The following CSMD1 variants were observed in gnomAD, a reference collection of about 807,000 sequenced individuals.
CSMD1 encodes CUB and Sushi multiple domains 1, also known as CUB and sushi domain-containing protein 1.
In CSMD1, 213 loss-of-function variants were observed where a neutral mutation model predicts 417.5. The ratio of observed to expected loss-of-function variants is 0.51; its 90% confidence interval spans 0.46 to 0.57. CSMD1 has a LOEUF of 0.57. Among genes scored for constraint, CSMD1 ranks in the 20% least tolerant of loss-of-function variants. CSMD1 has a pLI of 0.00. For synonymous variants in CSMD1, 2,862 were observed against 1,736.8 expected, an observed-to-expected ratio of 1.65 and a Z score of -16.11; for missense variants, 6,923 against 4,529.7, an observed-to-expected ratio of 1.53 and a Z score of -15.17.
At chr8:3,074,620 T>A (rs953521606) in intron 49 of CSMD1, among the ~76,000 whole-genome samples, 1 of 152,244 alleles carries the variant, frequency 6.6e-6, no homozygotes. Context: ...CCTGTGGCAA[T>A]GAGTGGAAGA....
chr8:4,204,297 G>C (rs1009107173), intron 3 of CSMD1, among the ~76,000 whole-genome samples: 1 of 151,462 alleles, frequency 6.6e-6, no homozygotes, highest in African/African-American at 2.4e-5. Context: ...GAAGTTTTTG[G>C]TTTTCTTTCT....
At chr8:4,928,706 C>G (rs1256721983) in intron 1 of CSMD1, among the ~76,000 whole-genome samples, 1 of 152,116 alleles carries the variant, frequency 6.6e-6, no homozygotes, top group Non-Finnish European at 1.5e-5. Flanking sequence ...AATTCATACA[C>G]TGAAATAATA....
intron 3 of CSMD1, among the ~76,000 whole-genome samples, chr8:4,400,405 G>T (rs561838343): frequency 6.6e-6 from 1 of 152,212 alleles, no homozygotes; most frequent in Non-Finnish European, 1.5e-5. Flanking sequence ...TGCCGTTCCA[G>T]GAGCATATGT....
intron 5 of CSMD1, among the ~76,000 whole-genome samples, chr8:3,922,134 T>C (rs888859423): frequency 4.3e-5 from 4 of 92,078 alleles, no homozygotes; most frequent in African/African-American, 1.1e-4. Flanking sequence ...TATGACATTC[T>C]TTCTTTCATG....
chr8:4,149,018 C>T lies in CSMD1; in HGVS notation c.416-116919G>A, dbSNP rs988729861. 3.3e-5 allele frequency among the ~76,000 whole-genome samples: 5 copies of T among 150,620 alleles called. No individual in the cohort carries two copies. The East Asian group carries it at 5.9e-4, about 18-fold the overall frequency. On this transcript the variant is annotated intron_variant, in intron 3 of 69. Coordinates refer to ENST00000635120, the MANE Select transcript of CSMD1 (RefSeq NM_033225.6). ...CACTCTTGTTGCCCAGGCTGGAGTG[C>T]AGTGGCACAATCTTTGCTCACTGCA...
chr8:4,559,073 G>A (rs1798216676), intron 2 of CSMD1, among the ~76,000 whole-genome samples: 2 of 152,086 alleles, frequency 1.3e-5, no homozygotes, highest in South Asian at 4.1e-4. Flanking sequence ...AAGCAGTTAT[G>A]AACAGTGAAA....
intron 5 of CSMD1, among the ~76,000 whole-genome samples, chr8:3,799,307 TACATATGTAC>T (rs1800331717): frequency 6.6e-6 from 1 of 151,882 alleles, no homozygotes; most frequent in East Asian, 1.9e-4. Flanking sequence ...GCAGGTTTGT[TACATATGTAC>T]ACATGTGCCA....
At chr8:3,277,788 G>A (rs1336765434) in intron 26 of CSMD1, among the ~76,000 whole-genome samples, 1 of 152,170 alleles carries the variant, frequency 6.6e-6, no homozygotes, top group Non-Finnish European at 1.5e-5. Flanking sequence ...AGGAGTACCA[G>A]AATTGGACAT....
chr8:3,436,467 G>C (rs1563387209), intron 12 of CSMD1, among the ~76,000 whole-genome samples: 1 of 152,072 alleles, frequency 6.6e-6, no homozygotes, highest in South Asian at 2.1e-4. Flanking sequence ...AATAGTGCCT[G>C]GCACACAATA....
chr8:3,897,728 T>G (rs866057278), intron 5 of CSMD1, among the ~76,000 whole-genome samples: 5 of 152,316 alleles, frequency 3.3e-5, no homozygotes, highest in Middle Eastern at 3.4e-3. Flanking sequence ...CCTATTAAAG[T>G]TACTGCAAAA....
At chr8:3,453,588 GC>G (rs1815899576) in intron 12 of CSMD1, among the ~76,000 whole-genome samples, 1 of 152,178 alleles carries the variant, frequency 6.6e-6, no homozygotes. Flanking sequence ...TCATTGAGGA[GC>G]AGGTTGTTCA....
At chr8:3,443,563 A>T (rs1242919437) in intron 12 of CSMD1, among the ~76,000 whole-genome samples, 1 of 152,228 alleles carries the variant, frequency 6.6e-6, no homozygotes, top group African/African-American at 2.4e-5. Flanking sequence ...ACAGGGGGAA[A>T]GTGAAACAGT....
intron 41 of CSMD1, among the ~76,000 whole-genome samples, chr8:3,131,649 T>C (rs1246557508): frequency 2.0e-5 from 3 of 151,996 alleles, no homozygotes; most frequent in Non-Finnish European, 4.4e-5. Flanking sequence ...TTTTTGTATT[T>C]TAAGTAGAGA....
At chr8:4,027,482 G>C (rs1047746570) in intron 4 of CSMD1, among the ~76,000 whole-genome samples, 17 of 152,124 alleles carry the variant, frequency 1.1e-4, no homozygotes, top group African/African-American at 3.1e-4. Context: ...GTTCTCATGA[G>C]ATATGATGGC....
At chr8:4,902,170 G>A (rs527558197) in intron 1 of CSMD1, among the ~76,000 whole-genome samples, 1 of 152,074 alleles carries the variant, frequency 6.6e-6, no homozygotes, top group African/African-American at 2.4e-5. Context: ...AGCTTTTTGG[G>A]AGAACAAGAT....
intron 16 of CSMD1, among the ~76,000 whole-genome samples, chr8:3,396,748 T>C (rs1028744878): frequency 2.6e-5 from 4 of 152,184 alleles, no homozygotes; most frequent in Admixed American, 6.5e-5. Flanking sequence ...CTCAATTATA[T>C]ATTTTTAAAC....
intron 1 of CSMD1, among the ~76,000 whole-genome samples, chr8:4,713,127 C>T (rs531689993): frequency 6.6e-6 from 1 of 152,134 alleles, no homozygotes; most frequent in African/African-American, 2.4e-5. Context: ...AAGAAAATTG[C>T]CACTAGGACC....
At chr8:4,364,202 A>C (rs1037150253) in intron 3 of CSMD1, among the ~76,000 whole-genome samples, 1 of 152,218 alleles carries the variant, frequency 6.6e-6, no homozygotes, top group Non-Finnish European at 1.5e-5. Flanking sequence ...TTTAAAAAAT[A>C]AGTTATTGTA....
Position 3,387,570 on chromosome 8 carries a change from C to A in CSMD1, c.2706G>T (p.Gly902=), listed in dbSNP as rs762523726. Residue 902 remains glycine (G), a synonymous_variant, in exon 18 of 70, where the codon GGG becomes GGT. Transcript: ENST00000635120. ...GGGGCTCGTCGTCACTTAGTGTGTA[C>A]CCCGGGTCACAGCTGAAAGTCACTG... The part of the protein sequence containing the change: ...RSTVTFSCDP[G]YTLSDDEPLV... 6.2e-7 allele frequency: 1 copy of A among 1,600,982 alleles called. No individual in the cohort carries two copies. Among genetic ancestry groups the A allele is most frequent in the African/African-American group, 1.3e-5 (1 of 74,752 alleles).
Sources: gnomAD v4.1 joint callset for allele counts (sites outside exome capture counted in the v4.1 genomes callset) on GRCh38, gnomAD v4.1.1 for gene constraint, MANE v1.5 for transcripts, NCBI Gene and HGNC (gene_info 2026-07-23, HGNC 2026-07-21) for gene names.